Variants in C1QTNF3 observed in about 807,000 individuals in gnomAD.
The protein encoded by C1QTNF3 is complement C1q tumor necrosis factor-related protein 3.
In C1QTNF3, 26 loss-of-function variants were observed where a neutral mutation model predicts 32.6. That is an observed-to-expected ratio of 0.80 (90% CI 0.58 to 1.11). The LOEUF (loss-of-function observed/expected upper bound fraction) is 1.11. Ranked by LOEUF, C1QTNF3 falls within the 50% of genes least tolerant of loss-of-function variation. C1QTNF3 has a pLI of 0.00. For synonymous variants in C1QTNF3, 155 were observed against 146.0 expected (o/e 1.06, Z -0.44); for missense variants, 362 against 398.2 (o/e 0.91, Z 0.77).
the C1QTNF3 span, among the ~76,000 whole-genome samples, chr5:34,155,767 G>C: frequency 6.6e-6 from 1 of 152,020 alleles, no homozygotes; most frequent in Non-Finnish European, 1.5e-5. Flanking sequence ...TACAAATCTT[G>C]ACTGTTGTTT....
chr5:34,100,629 T>C, the C1QTNF3 span, among the ~76,000 whole-genome samples: 1 of 149,356 alleles, frequency 6.7e-6, no homozygotes, highest in African/African-American at 2.5e-5. Flanking sequence ...TTAATGTTAA[T>C]CTATTATGTT....
At chr5:34,042,753 C>T in intron 1 of C1QTNF3, 70 bp downstream of exon 1, 1 of 1,449,182 alleles carries the variant, frequency 6.9e-7, no homozygotes, top group Non-Finnish European at 9.3e-7. Context: ...AAAAAAAGAA[C>T]AACAACAAAA....
the C1QTNF3 span, among the ~76,000 whole-genome samples, chr5:34,131,871 T>C: frequency 6.6e-6 from 1 of 152,190 alleles, no homozygotes; most frequent in Non-Finnish European, 1.5e-5. Flanking sequence ...AAAATATCAC[T>C]ACATACCCCA....
chr5:34,077,005 C>A, the C1QTNF3 span, among the ~76,000 whole-genome samples: 2 of 151,772 alleles, frequency 1.3e-5, no homozygotes, highest in African/African-American at 4.9e-5. Flanking sequence ...TGGGGTCATG[C>A]AATGTCTTAT....
chr5:34,140,974 A>G, the C1QTNF3 span, among the ~76,000 whole-genome samples: 2 of 152,230 alleles, frequency 1.3e-5, no homozygotes, highest in African/African-American at 4.8e-5. Flanking sequence ...ACATAGACTC[A>G]TAAAGGAATT....
the C1QTNF3 span, among the ~76,000 whole-genome samples, chr5:34,203,658 T>C: frequency 7.3e-5 from 11 of 150,082 alleles, no homozygotes; most frequent in Non-Finnish European, 1.6e-4. Flanking sequence ...TGCACTCCAA[T>C]CTGGATGACA....
chr5:34,125,308 C>T, the C1QTNF3 span, among the ~76,000 whole-genome samples: 3 of 151,730 alleles, frequency 2.0e-5, no homozygotes, highest in African/African-American at 7.3e-5. Flanking sequence ...CTTCTCATAT[C>T]TTCAACAATA....
chr5:34,178,067 G>C, the C1QTNF3 span, among the ~76,000 whole-genome samples: 4 of 122,206 alleles, frequency 3.3e-5, no homozygotes. Context: ...AAAAGTTCAA[G>C]ACCAGCCTGA....
the C1QTNF3 span, among the ~76,000 whole-genome samples, chr5:34,176,798 G>A: frequency 4.7e-4 from 71 of 152,060 alleles, no homozygotes; most frequent in East Asian, 0.013. Flanking sequence ...TCAAAGCTGT[G>A]GTGAGCTGTG....
chr5:34,159,382 A>G, the C1QTNF3 span, among the ~76,000 whole-genome samples: 1 of 152,094 alleles, frequency 6.6e-6, no homozygotes, highest in Non-Finnish European at 1.5e-5. Flanking sequence ...TTACCAAATT[A>G]TACAAATAAT....
chr5:34,026,484 GA>G (rs1754462497), intron 4 of C1QTNF3, among the ~76,000 whole-genome samples: 4 of 117,700 alleles, frequency 3.4e-5, no homozygotes, highest in African/African-American at 1.5e-4. Context: ...GAAAAGAAAA[GA>G]AAAGAAAGAA....
chr5:34,160,251 C>T, the C1QTNF3 span, among the ~76,000 whole-genome samples: 1 of 152,130 alleles, frequency 6.6e-6, no homozygotes, highest in African/African-American at 2.4e-5. Flanking sequence ...GACAGAACAC[C>T]TGTCTAACAG....
At chr5:34,080,569 A>G in the C1QTNF3 span, among the ~76,000 whole-genome samples, 1 of 151,800 alleles carries the variant, frequency 6.6e-6, no homozygotes, top group African/African-American at 2.4e-5. Flanking sequence ...AGGAGCTGTT[A>G]AAGAGTAGTG....
chr5:34,132,435 GTATATATATATATATA>G, the C1QTNF3 span, among the ~76,000 whole-genome samples: 154 of 137,146 alleles, frequency 1.1e-3, no homozygotes, highest in Non-Finnish European at 9.2e-4. Flanking sequence ...GTATGTGTAT[GTATATATATATATATA>G]TATATATATA....
At chr5:34,064,794 G>C in the C1QTNF3 span, among the ~76,000 whole-genome samples, 28 of 152,194 alleles carry the variant, frequency 1.8e-4, no homozygotes, top group Non-Finnish European at 2.9e-4. Flanking sequence ...ACAATGGGAG[G>C]GGACCCAAAG....
At chr5:34,022,963 C>T (rs916025116) in intron 5 of C1QTNF3, among the ~76,000 whole-genome samples, 1 of 152,216 alleles carries the variant, frequency 6.6e-6, no homozygotes. Context: ...TCATGCCATT[C>T]TCCTGCCTCA....
At chr5:34,219,898 T>C in the C1QTNF3 span, 1 of 152,212 alleles carries the variant, frequency 6.6e-6, no homozygotes, top group Admixed American at 6.6e-5. Flanking sequence ...AAGGAACTAA[T>C]TGACAAGAAT....
chr5:34,170,627 GT>G, the C1QTNF3 span, among the ~76,000 whole-genome samples: 1 of 152,048 alleles, frequency 6.6e-6, no homozygotes, highest in African/African-American at 2.4e-5. Context: ...TGTTAATAAA[GT>G]GCTCTTTAAT....
At chr5:34,111,157 T>C in the C1QTNF3 span, among the ~76,000 whole-genome samples, 1 of 152,218 alleles carries the variant, frequency 6.6e-6, no homozygotes, top group East Asian at 1.9e-4. Flanking sequence ...TCTGATCTTT[T>C]GCACAGATGA....
Sources: allele counts gnomAD v4.1 joint callset (sites outside exome capture counted in the v4.1 genomes callset), GRCh38; gene constraint gnomAD v4.1.1; transcripts MANE v1.5; gene names NCBI Gene and HGNC (gene_info 2026-07-23, HGNC 2026-07-21).